CTNND2: variants seen among roughly 807,000 people sequenced by gnomAD.
CTNND2 encodes catenin delta-2.
A neutral mutation model predicts 144.4 loss-of-function variants in CTNND2; 22 were observed. The ratio of observed to expected loss-of-function variants is 0.15; its 90% confidence interval spans 0.11 to 0.22. The LOEUF (loss-of-function observed/expected upper bound fraction) is 0.22, where lower values mean the gene tolerates loss of function less well. Ranked by LOEUF, CTNND2 falls within the 10% of genes least tolerant of loss-of-function variation. The pLI, the probability that CTNND2 is intolerant of heterozygous loss-of-function variation, is 1.00. For synonymous variants in CTNND2, 751 were observed against 695.6 expected (o/e 1.08, Z -1.25); for missense variants, 1,353 against 1,618.8 (o/e 0.84, Z 2.82).
intron 5 of CTNND2, among the ~76,000 whole-genome samples, chr5:11,404,972 G>A (rs908227171): frequency 3.9e-5 from 6 of 152,258 alleles, no homozygotes; most frequent in East Asian, 1.9e-4. Flanking sequence ...GTGTTACTGA[G>A]AGAGTCCTCT....
At chr5:11,610,115 C>A (rs898797112) in intron 2 of CTNND2, among the ~76,000 whole-genome samples, 2 of 152,154 alleles carry the variant, frequency 1.3e-5, no homozygotes, top group Non-Finnish European at 2.9e-5. Context: ...GCTCCCCATA[C>A]ACTGAGTTCT....
At chr5:11,578,459 G>A (rs544694639) in intron 2 of CTNND2, among the ~76,000 whole-genome samples, 3 of 151,874 alleles carry the variant, frequency 2.0e-5, no homozygotes, top group South Asian at 2.1e-4. Context: ...TCAGGAGTTC[G>A]AGGCCAGCCT....
chr5:11,549,866 T>C (rs1361705730), intron 3 of CTNND2, among the ~76,000 whole-genome samples: 1 of 152,210 alleles, frequency 6.6e-6, no homozygotes, highest in Admixed American at 6.5e-5. Flanking sequence ...CTAGTGTTCT[T>C]TGGCAATAGC....
At chr5:11,165,079 G>A (rs61757194) in intron 11 of CTNND2, among the ~76,000 whole-genome samples, 2,056 of 152,270 alleles carry the variant, frequency 0.014, 18 homozygotes, top group Non-Finnish European at 0.02. Context: ...GTATTATAGC[G>A]TTAGCAAAAT....
chr5:11,755,554 C>T (rs573371126), intron 1 of CTNND2, among the ~76,000 whole-genome samples: 1 of 151,592 alleles, frequency 6.6e-6, no homozygotes, highest in Non-Finnish European at 1.5e-5. Context: ...TGCTTGCTTA[C>T]TCTCCCACTC....
intron 3 of CTNND2, among the ~76,000 whole-genome samples, chr5:11,527,518 C>T (rs1773365572): frequency 6.6e-6 from 1 of 152,162 alleles, no homozygotes; most frequent in Admixed American, 6.6e-5. Context: ...CGAGGTCTCC[C>T]CACCTTTGCT....
At chr5:11,722,891 T>C (rs11744562) in intron 2 of CTNND2, among the ~76,000 whole-genome samples, 34,320 of 152,024 alleles carry the variant, frequency 0.23, 4,807 homozygotes, top group African/African-American at 0.4. Context: ...AACATAAAAA[T>C]AAATAGTAAA....
chr5:11,662,225 G>GTA (rs200123274), intron 2 of CTNND2, among the ~76,000 whole-genome samples: 26,102 of 135,222 alleles, frequency 0.19, 3,987 homozygotes, highest in African/African-American at 0.45. Flanking sequence ...ACATATATGT[G>GTA]TATATATGTA....
intron 3 of CTNND2, among the ~76,000 whole-genome samples, chr5:11,475,506 G>C (rs1323967815): frequency 6.6e-6 from 1 of 152,122 alleles, no homozygotes; most frequent in Non-Finnish European, 1.5e-5. Context: ...AAGGAATTTA[G>C]GGAAATCACA....
At chr5:11,629,775 A>G (rs1050769016) in intron 2 of CTNND2, among the ~76,000 whole-genome samples, 6 of 152,060 alleles carry the variant, frequency 3.9e-5, no homozygotes, top group Non-Finnish European at 8.8e-5. Flanking sequence ...GGCTCAAGCA[A>G]TCCTCCCACC....
At chr5:11,682,247 T>C (rs535256483) in intron 2 of CTNND2, among the ~76,000 whole-genome samples, 5 of 152,356 alleles carry the variant, frequency 3.3e-5, no homozygotes, top group African/African-American at 1.2e-4. Context: ...TCTCTGTGCC[T>C]GAAGCCTTGG....
intron 9 of CTNND2, among the ~76,000 whole-genome samples, chr5:11,342,869 T>C (rs1205816612): frequency 6.6e-6 from 1 of 152,232 alleles, no homozygotes; most frequent in Non-Finnish European, 1.5e-5. Context: ...AACAACAGTA[T>C]ATAGAACTCA....
Position 11,120,497 on chromosome 5 carries a change from G to A in CTNND2, c.2160-2930C>T, listed in dbSNP as rs530393367. Among the ~76,000 whole-genome samples, 45 of 149,504 alleles carry A rather than the reference G, an allele frequency of 3.0e-4. No individual in the cohort carries two copies. In the South Asian group the frequency reaches 9.0e-3, roughly 30 times the overall value. Reference sequence around the variant, plus strand: ...TCAAGAGGGGGTTATCATGCTGTCCGCAGGGGTAATGAGGCTCAGTATACA... The same window carrying A: ...TCAAGAGGGGGTTATCATGCTGTCCACAGGGGTAATGAGGCTCAGTATACA... On this transcript the variant is annotated intron_variant, in intron 12 of 21. Transcript: ENST00000304623.
At chr5:11,196,003 T>C (rs1736822637) in intron 11 of CTNND2, among the ~76,000 whole-genome samples, 3 of 152,344 alleles carry the variant, frequency 2.0e-5, no homozygotes, top group Middle Eastern at 3.4e-3. Context: ...TGAAGAGATA[T>C]TGCCGTGCAA....
At chr5:11,199,386 T>A in intron 11 of CTNND2, 62 bp downstream of exon 11, 1 of 1,434,484 alleles carries the variant, frequency 7.0e-7, no homozygotes, top group Non-Finnish European at 9.7e-7. Context: ...CATTTGCCTC[T>A]GTGTTGGATA....
Position 11,564,970 on chromosome 5 carries a change from G to A in CTNND2, c.261C>T (p.Ser87=), listed in dbSNP as rs376091305. The A allele has an allele frequency of 2.1e-5, 34 of 1,613,744 alleles. No homozygotes were observed. Among genetic ancestry groups the A allele is most frequent in the Admixed American group, 5.0e-5 (3 of 59,980 alleles). ...TCATGCTGCTCATGCTGCCAGTCTC[G>A]GATCCGAGCTTGCATCGCTCCAGCT... The part of the protein sequence containing the change: ...ASQLERCKLG[S]ETGSMSSMSS... Residue 87 remains serine, a synonymous_variant, in exon 3 of 22, where the codon TCC becomes TCT. Coordinates refer to ENST00000304623, the MANE Select transcript of CTNND2 (RefSeq NM_001332.4).
intron 18 of CTNND2, among the ~76,000 whole-genome samples, chr5:11,000,564 A>T (rs958367815): frequency 3.9e-5 from 6 of 152,230 alleles, no homozygotes; most frequent in African/African-American, 1.4e-4. Flanking sequence ...AGATGAGCAC[A>T]GGAGTTTGTT....
At chr5:11,774,839 G>A (rs1458704233) in intron 1 of CTNND2, among the ~76,000 whole-genome samples, 1 of 152,148 alleles carries the variant, frequency 6.6e-6, no homozygotes, top group Non-Finnish European at 1.5e-5. Context: ...TCAACTAACT[G>A]AGCTTGTCTG....
At chr5:11,124,983 A>G in intron 12 of CTNND2, among the ~76,000 whole-genome samples, 1 of 152,130 alleles carries the variant, frequency 6.6e-6, no homozygotes, top group South Asian at 2.1e-4. Context: ...CAGGAATCAA[A>G]TGTATTTGCC....
Sources: gnomAD v4.1 joint callset for allele counts (sites outside exome capture counted in the v4.1 genomes callset) on GRCh38, gnomAD v4.1.1 for gene constraint, MANE v1.5 for transcripts, NCBI Gene and HGNC (gene_info 2026-07-23, HGNC 2026-07-21) for gene names.